BNC2: variants seen among roughly 807,000 people sequenced by gnomAD.
BNC2 encodes basonuclin zinc finger protein 2.
In BNC2, 20 loss-of-function variants were observed where a neutral mutation model predicts 76.3. The ratio of observed to expected loss-of-function variants is 0.26; its 90% CI spans 0.18 to 0.38. BNC2 has a LOEUF of 0.38. Among genes scored for constraint, BNC2 ranks in the 10% least tolerant of loss-of-function variants. The pLI, the probability that BNC2 is intolerant of heterozygous loss-of-function variation, is 1.00. For missense variants in BNC2, 1,382 were observed against 1,399.8 expected (o/e 0.99, Z 0.20); for synonymous variants, 582 against 514.8 (o/e 1.13, Z -1.77).
At chr9:16,779,967 TG>T (rs1241835196) in intron 1 of BNC2, among the ~76,000 whole-genome samples, 1 of 152,208 alleles carries the variant, frequency 6.6e-6, no homozygotes, top group Non-Finnish European at 1.5e-5. Context: ...CCGGGCGTGG[TG>T]GCTCACGCCT....
At chr9:16,769,870 T>C (rs549999354) in intron 1 of BNC2, among the ~76,000 whole-genome samples, 1 of 152,150 alleles carries the variant, frequency 6.6e-6, no homozygotes, top group Non-Finnish European at 1.5e-5. Flanking sequence ...CTGTGAAGTA[T>C]AGACCAACCT....
chr9:16,760,021 C>CCAGAGA (rs1197027659), intron 1 of BNC2, among the ~76,000 whole-genome samples: 4 of 152,150 alleles, frequency 2.6e-5, no homozygotes, highest in Non-Finnish European at 5.9e-5. Flanking sequence ...CCGCGCGGGG[C>CCAGAGA]CAGAGACAGA....
chr9:16,660,734 T>C (rs1822087681), intron 3 of BNC2, among the ~76,000 whole-genome samples: 3 of 151,956 alleles, frequency 2.0e-5, no homozygotes, highest in South Asian at 2.1e-4. Context: ...CAACTGCAGA[T>C]TGAAAATACT....
At chr9:16,447,583 T>G (rs1285729326) in intron 5 of BNC2, among the ~76,000 whole-genome samples, 1 of 152,128 alleles carries the variant, frequency 6.6e-6, no homozygotes, top group Non-Finnish European at 1.5e-5. Context: ...CCCTGATGTT[T>G]CTGTCTGGTG....
intron 3 of BNC2, among the ~76,000 whole-genome samples, chr9:16,607,643 T>C (rs953023387): frequency 1.3e-5 from 2 of 152,238 alleles, no homozygotes; most frequent in Non-Finnish European, 2.9e-5. Flanking sequence ...GAACATAGCA[T>C]AGTGTGCTAA....
At chr9:16,489,997 C>T (rs1456510767) in intron 5 of BNC2, among the ~76,000 whole-genome samples, 1 of 152,114 alleles carries the variant, frequency 6.6e-6, no homozygotes, top group Non-Finnish European at 1.5e-5. Context: ...AATTTTTCTG[C>T]AAGAAAACAA....
chr9:16,837,679 T>C (rs1473607457), intron 1 of BNC2, among the ~76,000 whole-genome samples: 1 of 152,172 alleles, frequency 6.6e-6, no homozygotes, highest in East Asian at 1.9e-4. Flanking sequence ...CTTTCAAACA[T>C]GTTATCACAC....
intron 3 of BNC2, among the ~76,000 whole-genome samples, chr9:16,665,873 A>T (rs1563888320): frequency 6.6e-6 from 1 of 152,122 alleles, no homozygotes; most frequent in East Asian, 1.9e-4. Flanking sequence ...TCTCCTAGTA[A>T]ATCATCTGTA....
chr9:16,776,843 C>T (rs754117781), intron 1 of BNC2, among the ~76,000 whole-genome samples: 37 of 152,116 alleles, frequency 2.4e-4, no homozygotes, highest in Middle Eastern at 3.4e-3. Flanking sequence ...AGGACAGTGG[C>T]AGCCAGGCGT....
At chr9:16,778,463 T>C (rs1826030261) in intron 1 of BNC2, among the ~76,000 whole-genome samples, 1 of 152,192 alleles carries the variant, frequency 6.6e-6, no homozygotes, top group African/African-American at 2.4e-5. Flanking sequence ...AAAAACATGA[T>C]GACCTAAGCC....
chr9:16,470,297 G>A (rs192470860), intron 5 of BNC2, among the ~76,000 whole-genome samples: 41 of 152,144 alleles, frequency 2.7e-4, no homozygotes, highest in Middle Eastern at 3.4e-3. Flanking sequence ...ATGCCCAGCC[G>A]GCATTCAGTT....
intron 3 of BNC2, chr9:16,625,738 C>A (rs1820976371): frequency 6.6e-6 from 1 of 152,412 alleles, no homozygotes; most frequent in South Asian, 2.1e-4. Flanking sequence ...TCTCCACCCT[C>A]CCTATCCCCG....
At chr9:16,796,962 G>A (rs926379567) in intron 1 of BNC2, among the ~76,000 whole-genome samples, 1 of 152,094 alleles carries the variant, frequency 6.6e-6, no homozygotes, top group East Asian at 1.9e-4. Flanking sequence ...GGGCTTCTAC[G>A]ATATGGCACA....
chr9:16,777,455 C>G (rs1722313349), intron 1 of BNC2, among the ~76,000 whole-genome samples: 1 of 152,098 alleles, frequency 6.6e-6, no homozygotes, highest in African/African-American at 2.4e-5. Context: ...AATCCCAGCA[C>G]TTTAGGAGGC....
In BNC2 at chr9:16,694,573, A is replaced by C. The variant is rs35797066; in HGVS notation, c.330+33224T>G. Among the ~76,000 whole-genome samples the C allele has an allele frequency of 4.8e-3, 724 of 152,282 alleles. 2 individuals carry two copies. Among genetic ancestry groups the C allele is most frequent in the Non-Finnish European group, 7.7e-3 (526 of 68,024 alleles). ...AGACCAGAGGAATTCCGGCTGCTCTAAACAGGGGAGCCAGGGGAGCCTTTA... is the reference window on the plus strand; with the variant it reads ...AGACCAGAGGAATTCCGGCTGCTCTCAACAGGGGAGCCAGGGGAGCCTTTA... On this transcript the variant is annotated intron_variant, in intron 3 of 6. Coordinates refer to ENST00000380672, the MANE Select transcript of BNC2 (RefSeq NM_017637.6).
chr9:16,795,250 G>C (rs1232426395), intron 1 of BNC2, among the ~76,000 whole-genome samples: 1 of 152,056 alleles, frequency 6.6e-6, no homozygotes, highest in Non-Finnish European at 1.5e-5. Context: ...AAGTAGGAAG[G>C]TTCAACACAA....
intron 3 of BNC2, among the ~76,000 whole-genome samples, chr9:16,696,227 A>G (rs1823333738): frequency 6.6e-6 from 1 of 152,142 alleles, no homozygotes. Context: ...GCTCCCCACC[A>G]ATTACCAATT....
intron 3 of BNC2, among the ~76,000 whole-genome samples, chr9:16,688,545 T>G (rs1372432505): frequency 6.6e-6 from 1 of 152,228 alleles, no homozygotes; most frequent in Non-Finnish European, 1.5e-5. Context: ...GTGCCTGTTT[T>G]AATGACATAC....
chr9:16,773,827 T>C (rs1825892574), intron 1 of BNC2, among the ~76,000 whole-genome samples: 1 of 152,166 alleles, frequency 6.6e-6, no homozygotes, highest in Non-Finnish European at 1.5e-5. Context: ...CCTTTGCGCA[T>C]TTTCTAACAG....
Sources: allele counts gnomAD v4.1 joint callset (sites outside exome capture counted in the v4.1 genomes callset), GRCh38; gene constraint gnomAD v4.1.1; transcripts MANE v1.5; gene names NCBI Gene and HGNC (gene_info 2026-07-23, HGNC 2026-07-21).